NAV1: variants seen among roughly 807,000 people sequenced by gnomAD.
NAV1 encodes pore membrane and/or filament interacting like protein 3.
Under a neutral mutation model 175.2 loss-of-function variants are expected in NAV1, and 18 were observed. The ratio of observed to expected loss-of-function variants is 0.10; its 90% confidence interval spans 0.07 to 0.15. The LOEUF (loss-of-function observed/expected upper bound fraction) is 0.15. NAV1 is among the 10% of genes least tolerant of loss of function. NAV1 has a pLI of 1.00. For missense variants in NAV1, 1,731 were observed against 2,436.6 expected (o/e 0.71, Z 6.10); for synonymous variants, 897 against 978.7 (o/e 0.92, Z 1.56).
chr1:201,633,000 G>C (rs1017309803), intron 2 of NAV1, among the ~76,000 whole-genome samples: 8 of 148,190 alleles, frequency 5.4e-5, no homozygotes, highest in African/African-American at 2.1e-4. Flanking sequence ...GTTTGTTCTG[G>C]GGGTTTCAAA....
intron 1 of NAV1, among the ~76,000 whole-genome samples, chr1:201,565,926 T>G (rs1666341962): frequency 6.6e-6 from 1 of 152,186 alleles, no homozygotes; most frequent in Non-Finnish European, 1.5e-5. Context: ...CCAAATGCCC[T>G]TCAGCGCCTC....
Position 201,540,063 on chromosome 1 carries a change from G to T in NAV1, c.-144+721G>T, listed in dbSNP as rs537077348. ...GGGCTCTGGTCCCTGCTAATCCCCAGAGCCGATAAAAACTGGTCATAGGAT... is the reference window on the plus strand; with the variant it reads ...GGGCTCTGGTCCCTGCTAATCCCCATAGCCGATAAAAACTGGTCATAGGAT... On this transcript the variant is annotated intron_variant, in intron 1 of 33. Transcript: ENST00000685211. Among the ~76,000 whole-genome samples the T allele has an allele frequency of 3.3e-5, 5 of 152,332 alleles. No homozygotes were observed. The South Asian group carries it at 1.0e-3, about 32-fold the overall frequency.
At chr1:201,654,864 G>A (rs532975423) in intron 1 of NAV1, among the ~76,000 whole-genome samples, 3 of 152,214 alleles carry the variant, frequency 2.0e-5, no homozygotes, top group Admixed American at 6.5e-5. Flanking sequence ...TTCCAGGAAA[G>A]CACTCATTAT....
chr1:201,815,925 A>G (rs923163972), intron 28 of NAV1, among the ~76,000 whole-genome samples: 4 of 151,998 alleles, frequency 2.6e-5, no homozygotes, highest in Non-Finnish European at 5.9e-5. Flanking sequence ...TTTAGTAGAG[A>G]CAGGGTTTCT....
chr1:201,675,353 C>T (rs560737380), intron 1 of NAV1, among the ~76,000 whole-genome samples: 5 of 152,304 alleles, frequency 3.3e-5, no homozygotes, highest in Admixed American at 6.5e-5. Flanking sequence ...ATCCCTGCCC[C>T]GGGATCCTCC....
At position 201,740,147 on chromosome 1, in the gene NAV1, C is replaced by T. The variant is rs1323297241; in HGVS notation, c.1226+21392C>T. 7 of 1,259,020 alleles carry T rather than the reference C, an allele frequency of 5.6e-6. No homozygotes were observed. The highest frequency in any genetic ancestry group is 1.7e-5 in the South Asian group (1 of 60,066). The allele number at this position is 1,259,020 out of a possible 1,614,324, so 78.0% of individuals were successfully genotyped here. A position where few individuals can be genotyped will look rare whatever the true frequency, so the allele number is the denominator to read the frequency against. ...GGGGTCGGGTTTGTGGCACCCCCAG[C>T]CCCGCCGCAGCCCCCCAGTTCCGCC... On this transcript the variant is annotated intron_variant, in intron 3 of 29. Coordinates refer to ENST00000367296, the Ensembl canonical transcript of NAV1. The surrounding 1 kb of genome is among the most constrained non-coding windows in gnomAD (Gnocchi z 4.7).
chr1:201,780,934 C>T, intron 4 of NAV1, 78 bp from the exon 9 acceptor site: 1 of 1,480,856 alleles, frequency 6.8e-7, no homozygotes, highest in East Asian at 2.3e-5. Flanking sequence ...CAGGTACTAA[C>T]TAAAATCAAT....
rs1558031365 is a variant in NAV1 at position 201,642,214 on chromosome 1, C to CT, written c.5-6419dup. On this transcript the variant is annotated intron_variant, in intron 2 of 29. Transcript: ENST00000367302. ...CCTCCTTTCTTCCTTTCTTCCTTCCCTCCTTTCTTCCTTTCTTTCTCGGAG... is the reference window on the plus strand; with the variant it reads ...CCTCCTTTCTTCCTTTCTTCCTTCCCTTCCTTTCTTCCTTTCTTTCTCGGAG... 1.9e-3 allele frequency among the ~76,000 whole-genome samples: 210 copies of CT among 110,608 alleles called. 3 individuals carry two copies. The highest frequency in any genetic ancestry group is 7.1e-3 in the African/African-American group (207 of 28,966). 72.6% of individuals were successfully genotyped at this position (110,608 alleles called of 152,430 possible).
At chr1:201,578,034 A>G (rs897005697) in intron 1 of NAV1, among the ~76,000 whole-genome samples, 1 of 152,148 alleles carries the variant, frequency 6.6e-6, no homozygotes, top group Non-Finnish European at 1.5e-5. Flanking sequence ...GTCTCTTGCC[A>G]ACTTTGCAAA....
At chr1:201,684,827 G>C (rs1378572641) in intron 1 of NAV1, among the ~76,000 whole-genome samples, 1 of 151,666 alleles carries the variant, frequency 6.6e-6, no homozygotes, top group Non-Finnish European at 1.5e-5. Flanking sequence ...GCTGGGTGTG[G>C]TGGCGAGCGC....
intron 1 of NAV1, among the ~76,000 whole-genome samples, chr1:201,706,254 GGTGTGTGTGTGT>G (rs71138350): frequency 6.7e-6 from 1 of 148,780 alleles, no homozygotes; most frequent in African/African-American, 2.5e-5. Flanking sequence ...ATTAAGAAGG[GGTGTGTGTGTGT>G]GTGTGTGTGT....
intron 28 of NAV1, among the ~76,000 whole-genome samples, chr1:201,815,203 G>T (rs1466211526): frequency 6.6e-6 from 1 of 151,992 alleles, no homozygotes. Flanking sequence ...AGAAAATGTG[G>T]TATATATACA....
chr1:201,560,871 CTA>C (rs796826476), intron 1 of NAV1, among the ~76,000 whole-genome samples: 43 of 152,372 alleles, frequency 2.8e-4, no homozygotes, highest in African/African-American at 9.9e-4. Context: ...GGCCAGGCTG[CTA>C]TTCCAGGCCA....
chr1:201,660,612 T>TG (rs1308577497), intron 1 of NAV1, among the ~76,000 whole-genome samples: 1 of 152,216 alleles, frequency 6.6e-6, no homozygotes, highest in Non-Finnish European at 1.5e-5. Context: ...TGAGGACCCG[T>TG]GGGGGACCAT....
chr1:201,783,352 G>A (rs1676461295), intron 6 of NAV1, 54 bp from the exon 11 acceptor site: 1 of 1,539,692 alleles, frequency 6.5e-7, no homozygotes, highest in African/African-American at 1.4e-5. Flanking sequence ...GGTCCTATCT[G>A]CCTCTCACTC....
At chr1:201,786,611 G>A in intron 9 of NAV1, 34 bp downstream of exon 13, 1 of 1,597,578 alleles carries the variant, frequency 6.3e-7, no homozygotes, top group Non-Finnish European at 8.5e-7. Context: ...GTGGCATGGG[G>A]TGAAGCAGGG....
At chr1:201,571,938 C>T (rs75093731) in intron 1 of NAV1, among the ~76,000 whole-genome samples, 139 of 152,220 alleles carry the variant, frequency 9.1e-4, no homozygotes, top group African/African-American at 3.2e-3. Flanking sequence ...CTATTAATAG[C>T]GGAAAGGGGA....
chr1:201,726,159 G>A (rs771210498), intron 3 of NAV1, among the ~76,000 whole-genome samples: 1 of 152,002 alleles, frequency 6.6e-6, no homozygotes, highest in Non-Finnish European at 1.5e-5. Context: ...AGAAGCACTG[G>A]GCTAATTCTG....
At chr1:201,593,387 T>C (rs1364667376) in intron 2 of NAV1, among the ~76,000 whole-genome samples, 1 of 152,100 alleles carries the variant, frequency 6.6e-6, no homozygotes, top group Non-Finnish European at 1.5e-5. Flanking sequence ...ATTAAGACAT[T>C]TGCTCTCCCT....
Sources: allele counts gnomAD v4.1 joint callset (sites outside exome capture counted in the v4.1 genomes callset), GRCh38; gene constraint gnomAD v4.1.1; non-coding constraint Gnocchi (gnomAD v3.1); transcripts MANE v1.5; gene names NCBI Gene and HGNC (gene_info 2026-07-23, HGNC 2026-07-21).